The following AUH variants were observed in gnomAD, a reference collection of about 807,000 sequenced individuals.
AUH encodes AU RNA binding methylglutaconyl-CoA hydratase, also known as methylglutaconyl-CoA hydratase, mitochondrial.
In AUH, 29 loss-of-function variants were observed where a neutral mutation model predicts 42.3. The observed-to-expected ratio is 0.69, with a 90% CI of 0.51 to 0.93. The LOEUF is 0.93. Among genes scored for constraint, AUH ranks in the 40% least tolerant of loss-of-function variants. The pLI is 0.00. For synonymous variants in AUH, 174 were observed against 166.4 expected, an observed-to-expected ratio of 1.05 and a Z score of -0.35; for missense variants, 452 against 438.1, an observed-to-expected ratio of 1.03 and a Z score of -0.28.
intron 4 of AUH, among the ~76,000 whole-genome samples, chr9:91,305,664 T>C (rs918860218): frequency 6.6e-6 from 1 of 152,090 alleles, no homozygotes; most frequent in African/African-American, 2.4e-5. Context: ...ACTTAAAAAG[T>C]TTTTACTATG....
intron 6 of AUH, among the ~76,000 whole-genome samples, chr9:91,272,498 G>A (rs574570651): frequency 2.8e-4 from 42 of 152,206 alleles, no homozygotes; most frequent in African/African-American, 9.9e-4. Context: ...GCCTCCATTC[G>A]GCCCAGCAGA....
chr9:91,282,156 C>T (rs1266700448), intron 6 of AUH, among the ~76,000 whole-genome samples: 1 of 152,110 alleles, frequency 6.6e-6, no homozygotes, highest in Non-Finnish European at 1.5e-5. Flanking sequence ...CAAGCACACT[C>T]CCATCTAAGG....
At chr9:91,341,723 T>C (rs1166554060) in intron 3 of AUH, among the ~76,000 whole-genome samples, 2 of 152,244 alleles carry the variant, frequency 1.3e-5, no homozygotes, top group Non-Finnish European at 2.9e-5. Context: ...TCTGTCCTAA[T>C]GCCAACGAAA....
chr9:91,275,142 C>T (rs1825441753), intron 6 of AUH, among the ~76,000 whole-genome samples: 1 of 152,160 alleles, frequency 6.6e-6, no homozygotes, highest in African/African-American at 2.4e-5. Context: ...TGTCATCCTC[C>T]CAATGCCACT....
chr9:91,298,895 T>G (rs1332899093), intron 4 of AUH, among the ~76,000 whole-genome samples: 1 of 152,218 alleles, frequency 6.6e-6, no homozygotes, highest in Non-Finnish European at 1.5e-5. Flanking sequence ...GGCTGGCCAA[T>G]GTTAATATAT....
chr9:91,304,377 G>A (rs533511198), intron 4 of AUH, among the ~76,000 whole-genome samples: 3 of 152,250 alleles, frequency 2.0e-5, no homozygotes, highest in South Asian at 4.1e-4. Context: ...ATCAATCCTC[G>A]ATTTAGCTAA....
At chr9:91,285,070 T>A (rs1164430448) in intron 6 of AUH, among the ~76,000 whole-genome samples, 3 of 152,112 alleles carry the variant, frequency 2.0e-5, no homozygotes, top group Admixed American at 2.0e-4. Flanking sequence ...CAAATGTCCA[T>A]CAATGATAGA....
At chr9:91,214,963 G>A (rs947931682) in intron 9 of AUH, among the ~76,000 whole-genome samples, 2 of 152,120 alleles carry the variant, frequency 1.3e-5, no homozygotes, top group Admixed American at 1.3e-4. Context: ...GGCCAAATGT[G>A]CTTTTAAAAT....
chr9:91,293,242 C>A (rs570640591), intron 6 of AUH, among the ~76,000 whole-genome samples: 2 of 152,346 alleles, frequency 1.3e-5, no homozygotes, highest in African/African-American at 4.8e-5. Flanking sequence ...ATCCACACGT[C>A]TCTCACTGGA....
chr9:91,269,516 A>G (rs1340641881), intron 6 of AUH, among the ~76,000 whole-genome samples: 1 of 152,250 alleles, frequency 6.6e-6, no homozygotes, highest in Non-Finnish European at 1.5e-5. Flanking sequence ...ATTATTTTCA[A>G]TATATGATTC....
chr9:91,330,823 A>G (rs1363196724), intron 3 of AUH, among the ~76,000 whole-genome samples: 3 of 152,358 alleles, frequency 2.0e-5, no homozygotes, highest in Non-Finnish European at 4.4e-5. Flanking sequence ...TTCCAACTAC[A>G]TAAAGTTTGA....
intron 6 of AUH, among the ~76,000 whole-genome samples, chr9:91,280,671 C>T (rs1825891178): frequency 6.6e-6 from 1 of 152,122 alleles, no homozygotes; most frequent in Admixed American, 6.6e-5. Context: ...TGAAGTTAAT[C>T]TCATTCTCTT....
chr9:91,330,615 TAA>T (rs1191954900), intron 3 of AUH, among the ~76,000 whole-genome samples: 1 of 152,110 alleles, frequency 6.6e-6, no homozygotes, highest in Non-Finnish European at 1.5e-5. Flanking sequence ...TGATGTGTAC[TAA>T]AAGACATGTA....
chr9:91,218,197 A>C (rs2131199530), intron 7 of AUH, among the ~76,000 whole-genome samples: 1 of 152,324 alleles, frequency 6.6e-6, no homozygotes, highest in South Asian at 2.1e-4. Context: ...TTTTCCTATC[A>C]AGGAGTTTCT....
chr9:91,282,410 G>C (rs890670404), intron 6 of AUH, among the ~76,000 whole-genome samples: 7 of 151,790 alleles, frequency 4.6e-5, no homozygotes, highest in African/African-American at 7.3e-5. Flanking sequence ...CTGTTCCTGT[G>C]CTAGAAGGTA....
In AUH at chr9:91,273,336, T is replaced by C. The variant is rs76220306; in HGVS notation, c.655+22685A>G. ...AGTCATGGTGTACAACACCCTTCAC[T>C]TGAGTACTTAGTATAAACATCAAAG... is the stretch of plus-strand genomic sequence containing the variant. On this transcript the variant is annotated intron_variant, in intron 6 of 9. Coordinates refer to ENST00000375731, the MANE Select transcript of AUH (RefSeq NM_001698.3). Among the ~76,000 whole-genome samples, 555 of 152,312 alleles carry C rather than the reference T, an allele frequency of 3.6e-3. 7 individuals are homozygous for C. Among genetic ancestry groups the C allele is most frequent in the African/African-American group, 0.013 (529 of 41,558 alleles).
intron 6 of AUH, among the ~76,000 whole-genome samples, chr9:91,280,621 A>G (rs903350928): frequency 1.3e-5 from 2 of 152,330 alleles, no homozygotes; most frequent in South Asian, 4.1e-4. Context: ...TAACATACTC[A>G]TATTATTAAT....
At chr9:91,262,915 G>T (rs1829778348) in intron 6 of AUH, among the ~76,000 whole-genome samples, 1 of 152,120 alleles carries the variant, frequency 6.6e-6, no homozygotes, top group South Asian at 2.1e-4. Flanking sequence ...AGGAATTATC[G>T]ATCTCACTTA....
intron 3 of AUH, among the ~76,000 whole-genome samples, chr9:91,337,554 T>C (rs1402878274): frequency 6.6e-6 from 1 of 152,192 alleles, no homozygotes; most frequent in Non-Finnish European, 1.5e-5. Context: ...TTCTCTTTCT[T>C]TCAAGAAAGT....
Sources: gnomAD v4.1 joint callset for allele counts (sites outside exome capture counted in the v4.1 genomes callset) on GRCh38, gnomAD v4.1.1 for gene constraint, MANE v1.5 for transcripts, NCBI Gene and HGNC (gene_info 2026-07-23, HGNC 2026-07-21) for gene names.